The following SDC4 variants were observed in gnomAD, a reference collection of about 807,000 sequenced individuals.
SDC4 encodes the protein syndecan-4.
Under a neutral mutation model 20.5 loss-of-function variants are expected in SDC4, and 17 were observed. The observed-to-expected ratio is 0.83, with a 90% CI of 0.57 to 1.25. The LOEUF (loss-of-function observed/expected upper bound fraction) is 1.25. Ranked by LOEUF, SDC4 falls within the 50% of genes most tolerant of loss-of-function variation. The pLI is 0.00. For missense variants in SDC4, 241 were observed against 252.3 expected, an observed-to-expected ratio of 0.96 and a Z score of 0.30; for synonymous variants, 107 against 105.3, an observed-to-expected ratio of 1.02 and a Z score of -0.10.
intron 1 of SDC4, among the ~76,000 whole-genome samples, chr20:45,344,621 A>G (rs1341136991): frequency 6.6e-6 from 1 of 152,190 alleles, no homozygotes; most frequent in African/African-American, 2.4e-5. Context: ...TCAGCACTCC[A>G]AGTCCTTGGA....
At chr20:45,327,460 C>G in intron 4 of SDC4, 45 bp from the exon 5 acceptor site, 2 of 1,592,662 alleles carry the variant, frequency 1.3e-6, no homozygotes, top group Non-Finnish European at 1.7e-6. Context: ...AGCTCCTCAT[C>G]AGGACCTAAG....
chr20:45,345,357 C>T (rs1161844968), intron 1 of SDC4: 3 of 152,206 alleles, frequency 2.0e-5, no homozygotes, highest in Non-Finnish European at 2.9e-5. Context: ...GGAAAGGACT[C>T]TGGAGGCTAC....
chr20:45,344,486 A>G (rs1988002328), intron 1 of SDC4, among the ~76,000 whole-genome samples: 1 of 152,172 alleles, frequency 6.6e-6, no homozygotes, highest in Non-Finnish European at 1.5e-5. Flanking sequence ...TTAAGCATTC[A>G]TTTGGAAATC....
chr20:45,332,401 T>A (rs1987791777), intron 3 of SDC4, among the ~76,000 whole-genome samples: 1 of 151,920 alleles, frequency 6.6e-6, no homozygotes, highest in Admixed American at 6.6e-5. Flanking sequence ...CCTCAGGTGA[T>A]CTGCCCGTCT....
rs765283616 is a variant in SDC4, at chr20:45,327,391, C to A, written c.470G>T (p.Gly157Val). 1.9e-6 allele frequency: 3 copies of A among 1,614,014 alleles called. No individual in the cohort carries two copies. The highest frequency in any genetic ancestry group is 2.5e-6 in the Non-Finnish European group (3 of 1,179,912). The change falls in exon 5 of 5, where the codon GGC becomes GTC. Residue 157 changes from glycine (G) to valine (V), a missense_variant. Coordinates refer to ENST00000372733, the MANE Select transcript of SDC4 (RefSeq NM_002999.4). ...GATCAGGAAGACGGCAAAGAGGATG[C>A]CCACGATGCCACCCACAATCAGAGC... is the stretch of plus-strand genomic sequence containing the variant. Reference protein sequence around the residue: ...LAALIVGGIVGILFAVFLILL... With the variant: ...LAALIVGGIVVILFAVFLILL...
chr20:45,328,493 C>T (rs1044951434), intron 4 of SDC4, among the ~76,000 whole-genome samples: 5 of 152,188 alleles, frequency 3.3e-5, no homozygotes, highest in African/African-American at 1.2e-4. Flanking sequence ...CAGGTGTGCA[C>T]AACAGGAGGT....
intron 1 of SDC4, among the ~76,000 whole-genome samples, chr20:45,338,343 C>T (rs1312164122): frequency 6.6e-6 from 1 of 151,588 alleles, no homozygotes; most frequent in African/African-American, 2.4e-5. Flanking sequence ...CTGCCCCAGG[C>T]TCCAAGGGAG....
chr20:45,342,968 C>G (rs1987976459), intron 1 of SDC4, among the ~76,000 whole-genome samples: 1 of 152,134 alleles, frequency 6.6e-6, no homozygotes, highest in African/African-American at 2.4e-5. Flanking sequence ...CTTTGAGTGC[C>G]ACAGGTGTTT....
intron 2 of SDC4, among the ~76,000 whole-genome samples, chr20:45,333,552 C>G (rs1987813495): frequency 6.6e-6 from 1 of 152,152 alleles, no homozygotes; most frequent in African/African-American, 2.4e-5. Flanking sequence ...GCCTGTAATC[C>G]CAGCTACTTG....
intron 3 of SDC4, 26 bp downstream of exon 3, chr20:45,332,997 A>G: frequency 6.2e-7 from 1 of 1,611,996 alleles, no homozygotes; most frequent in Non-Finnish European, 8.5e-7. Flanking sequence ...GCAAAGTGGA[A>G]GAGGCAGAAG....
chr20:45,333,020 T>TA lies in SDC4; in HGVS notation c.246+2dup. The TA allele has an allele frequency of 1.2e-6, 2 of 1,614,050 alleles. No individual in the cohort carries two copies. The highest frequency in any genetic ancestry group is 1.7e-6 in the Non-Finnish European group (2 of 1,179,878). On this transcript the variant is annotated splice_region_variant and intron_variant, in intron 3 of 4. Transcript: ENST00000372733. ...GAAGAGGCAGAAGCATGTAGCTACT[T>TA]ACCAAGGGATGGACAACTTCAGGGC...
chr20:45,332,160 C>CT (rs60632364), intron 3 of SDC4, among the ~76,000 whole-genome samples: 1,901 of 140,070 alleles, frequency 0.014, 59 homozygotes, highest in African/African-American at 0.048. Flanking sequence ...TATATATATA[C>CT]TTTTTTTTTT....
intron 4 of SDC4, 95 bp from the exon 5 acceptor site, chr20:45,327,510 C>A: frequency 7.4e-7 from 1 of 1,357,022 alleles, no homozygotes; most frequent in South Asian, 1.4e-5. Context: ...TCTCTTACAA[C>A]CAGACATCCT....
chr20:45,341,139 C>T (rs543403777), intron 1 of SDC4, among the ~76,000 whole-genome samples: 14 of 152,182 alleles, frequency 9.2e-5, no homozygotes, highest in African/African-American at 2.2e-4. Context: ...GGACCCAGCA[C>T]GTGATCAATG....
chr20:45,333,783 CATT>C (rs1211591290), intron 2 of SDC4, among the ~76,000 whole-genome samples: 1 of 152,122 alleles, frequency 6.6e-6, no homozygotes, highest in African/African-American at 2.4e-5. Context: ...TAAAGAGTTA[CATT>C]ATTATTTTAA....
chr20:45,341,200 C>T (rs2267868), intron 1 of SDC4, among the ~76,000 whole-genome samples: 122,315 of 152,200 alleles, frequency 0.8, 49,536 homozygotes, highest in East Asian at 0.95. Context: ...CCAGTGGGAT[C>T]AGTGCTCAAA....
At chr20:45,344,450 G>A (rs1380411916) in intron 1 of SDC4, among the ~76,000 whole-genome samples, 7 of 152,144 alleles carry the variant, frequency 4.6e-5, no homozygotes, top group Non-Finnish European at 8.8e-5. Context: ...GACTCACAGC[G>A]CTCGGTCCAG....
At chr20:45,342,632 G>A (rs1404265768) in intron 1 of SDC4, among the ~76,000 whole-genome samples, 2 of 151,926 alleles carry the variant, frequency 1.3e-5, no homozygotes, top group Admixed American at 1.3e-4. Flanking sequence ...GGGGGCCGCT[G>A]AATAGGAAGG....
intron 3 of SDC4, among the ~76,000 whole-genome samples, chr20:45,331,105 C>T (rs1418201835): frequency 2.0e-5 from 3 of 152,286 alleles, no homozygotes; most frequent in East Asian, 1.9e-4. Context: ...GGGTCTGGAT[C>T]GGGACCCCTT....
Sources: gnomAD v4.1 joint callset for allele counts (sites outside exome capture counted in the v4.1 genomes callset) on GRCh38, gnomAD v4.1.1 for gene constraint, MANE v1.5 for transcripts, NCBI Gene and HGNC (gene_info 2026-07-23, HGNC 2026-07-21) for gene names.